The following UBE2E2 variants were observed in gnomAD, a reference collection of about 807,000 sequenced individuals.
UBE2E2 encodes ubiquitin-conjugating enzyme E2 E2.
UBE2E2 carries 6 observed loss-of-function variants against 24.7 expected under a neutral mutation model. The observed-to-expected ratio is 0.24, with a 90% CI of 0.13 to 0.48. The LOEUF is 0.48. Among genes scored for constraint, UBE2E2 ranks in the 20% least tolerant of loss-of-function variants. UBE2E2 has a pLI of 0.99. For missense variants in UBE2E2, 169 were observed against 245.0 expected, an observed-to-expected ratio of 0.69 and a Z score of 2.07; for synonymous variants, 104 against 83.6, an observed-to-expected ratio of 1.24 and a Z score of -1.33.
At chr3:23,500,282 A>T (rs1320867707) in intron 4 of UBE2E2, among the ~76,000 whole-genome samples, 1 of 152,242 alleles carries the variant, frequency 6.6e-6, no homozygotes, top group Admixed American at 6.5e-5. Flanking sequence ...GTGTTAAAAA[A>T]TTTCGTAAAG....
chr3:23,514,213 G>A (rs1177008009), intron 4 of UBE2E2, among the ~76,000 whole-genome samples: 1 of 152,184 alleles, frequency 6.6e-6, no homozygotes, highest in Non-Finnish European at 1.5e-5. Flanking sequence ...TTCAGAGTTA[G>A]ATCCTGAGAG....
intron 3 of UBE2E2, among the ~76,000 whole-genome samples, chr3:23,259,794 G>T (rs1488721549): frequency 2.6e-5 from 4 of 152,150 alleles, no homozygotes; most frequent in Non-Finnish European, 5.9e-5. Context: ...GAGGACCCTC[G>T]AGAGTTTTCC....
At chr3:23,321,675 C>G (rs1362853861) in intron 3 of UBE2E2, among the ~76,000 whole-genome samples, 1 of 147,508 alleles carries the variant, frequency 6.8e-6, no homozygotes, top group East Asian at 2.0e-4. Flanking sequence ...GCCATGGCTT[C>G]CCACTATTAT....
intron 3 of UBE2E2, among the ~76,000 whole-genome samples, chr3:23,453,487 A>G (rs1698611121): frequency 6.6e-6 from 1 of 152,182 alleles, no homozygotes; most frequent in Non-Finnish European, 1.5e-5. Flanking sequence ...AACAAAGACT[A>G]CAGTTTTAGC....
chr3:23,563,081 C>T (rs1245659799), intron 5 of UBE2E2, among the ~76,000 whole-genome samples: 1 of 152,094 alleles, frequency 6.6e-6, no homozygotes, highest in East Asian at 1.9e-4. Flanking sequence ...CAGTTCTTCT[C>T]TGATCTTAGT....
rs552695183 is a variant in UBE2E2 at position 23,492,941 on chromosome 3, A to G, written c.228-6667A>G. 1.7e-3 allele frequency among the ~76,000 whole-genome samples: 263 copies of G among 152,186 alleles called. 1 individual carries two copies. Among genetic ancestry groups the G allele is most frequent in the African/African-American group, 6.1e-3 (254 of 41,576 alleles). On this transcript the variant is annotated intron_variant, in intron 3 of 5. Coordinates refer to ENST00000396703, the MANE Select transcript of UBE2E2 (RefSeq NM_152653.4). ...TAGCCCACCATTTCAACCTGTAATT[A>G]TTATTAAATAATTATTAAATAGATA... is the stretch of plus-strand genomic sequence containing the variant.
chr3:23,343,070 A>G (rs937591740), intron 3 of UBE2E2, among the ~76,000 whole-genome samples: 1 of 149,620 alleles, frequency 6.7e-6, no homozygotes, highest in African/African-American at 2.5e-5. Context: ...TTTAACTGCT[A>G]TTTTATGTTA....
intron 5 of UBE2E2, among the ~76,000 whole-genome samples, chr3:23,585,198 G>T (rs79378821): frequency 7.9e-5 from 12 of 151,404 alleles, no homozygotes; most frequent in Non-Finnish European, 1.6e-4. Flanking sequence ...AACATCTGCC[G>T]TCTCTACCAA....
At chr3:23,511,942 G>A (rs1329583695) in intron 4 of UBE2E2, among the ~76,000 whole-genome samples, 1 of 152,124 alleles carries the variant, frequency 6.6e-6, no homozygotes, top group African/African-American at 2.4e-5. Flanking sequence ...CAGGGCAATG[G>A]ACTAAATGAC....
chr3:23,275,019 T>C (rs949570694), intron 3 of UBE2E2, among the ~76,000 whole-genome samples: 2 of 152,252 alleles, frequency 1.3e-5, no homozygotes, highest in Admixed American at 6.5e-5. Context: ...GAAGTTGTTA[T>C]CAATGTCCTT....
At chr3:23,297,961 C>G (rs78738323) in intron 3 of UBE2E2, among the ~76,000 whole-genome samples, 1 of 149,646 alleles carries the variant, frequency 6.7e-6, no homozygotes, top group African/African-American at 2.5e-5. Flanking sequence ...CTTTTATTTC[C>G]TTGAGCAGTG....
At chr3:23,492,359 T>A (rs1295623802) in intron 3 of UBE2E2, among the ~76,000 whole-genome samples, 22 of 152,190 alleles carry the variant, frequency 1.4e-4, no homozygotes, top group Non-Finnish European at 1.5e-5. Flanking sequence ...TCCCCTCATC[T>A]TCTTCTCACT....
rs377087840 is a variant in UBE2E2, at chr3:23,405,833, T to C, written c.228-93775T>C. Among the ~76,000 whole-genome samples the C allele has an allele frequency of 1.9e-4, 29 of 152,334 alleles. No homozygotes were observed. In the South Asian group the frequency reaches 6.0e-3, roughly 32 times the overall value. ...TTCCCAAATTTGCATAATTCTCCTTTTGGAGATACCCTTTTATCTCCAGTG... is the reference window on the plus strand; with the variant it reads ...TTCCCAAATTTGCATAATTCTCCTTCTGGAGATACCCTTTTATCTCCAGTG... On this transcript the variant is annotated intron_variant, in intron 3 of 5. Transcript: ENST00000396703.
chr3:23,540,154 C>G (rs1046985708), intron 5 of UBE2E2, among the ~76,000 whole-genome samples: 8 of 151,614 alleles, frequency 5.3e-5, no homozygotes, highest in Non-Finnish European at 1.0e-4. Flanking sequence ...GCTTCGAACT[C>G]CTGCACTCAA....
intron 3 of UBE2E2, among the ~76,000 whole-genome samples, chr3:23,338,170 T>C (rs9840140): frequency 1 from 152,030 of 152,336 alleles, 75,862 homozygotes; most frequent in Middle Eastern, 1. Context: ...GTGGGCATGT[T>C]ATTTGTGCAT....
chr3:23,503,002 G>T (rs1014600106), intron 4 of UBE2E2, among the ~76,000 whole-genome samples: 1 of 152,000 alleles, frequency 6.6e-6, no homozygotes. Context: ...CTCCACCTAG[G>T]AATACTACAT....
At chr3:23,363,396 C>A (rs1696174525) in intron 3 of UBE2E2, among the ~76,000 whole-genome samples, 1 of 152,168 alleles carries the variant, frequency 6.6e-6, no homozygotes, top group African/African-American at 2.4e-5. Flanking sequence ...ATCCTCTCTA[C>A]AGGACTCATC....
intron 3 of UBE2E2, among the ~76,000 whole-genome samples, chr3:23,341,304 C>T (rs1695382139): frequency 6.6e-6 from 1 of 152,084 alleles, no homozygotes; most frequent in South Asian, 2.1e-4. Flanking sequence ...CCCATTAACT[C>T]ATTTAATCTT....
Position 23,434,630 on chromosome 3 carries a change from A to G in UBE2E2, c.228-64978A>G, listed in dbSNP as rs1698142939. Among the ~76,000 whole-genome samples the G allele has an allele frequency of 2.0e-5, 3 of 152,172 alleles. No homozygotes were observed. In the South Asian group the frequency reaches 6.2e-4, roughly 32 times the overall value. On this transcript the variant is annotated intron_variant, in intron 3 of 5. Transcript: ENST00000396703. ...TAATTTTCCTCTCTGTAAATGTACA[A>G]ATATGCAAACTTGTATAAATTAGGT...
Sources: gnomAD v4.1 joint callset for allele counts (sites outside exome capture counted in the v4.1 genomes callset) on GRCh38, gnomAD v4.1.1 for gene constraint, MANE v1.5 for transcripts, NCBI Gene and HGNC (gene_info 2026-07-23, HGNC 2026-07-21) for gene names.